The following CCT5 variants were observed in gnomAD, a reference collection of about 807,000 sequenced individuals.
CCT5 encodes T-complex protein 1 subunit epsilon.
Under a neutral mutation model 55.0 loss-of-function variants are expected in CCT5, and 6 were observed. That is an observed-to-expected ratio of 0.11 (90% CI 0.06 to 0.22). CCT5 has a LOEUF of 0.22. Among genes scored for constraint, CCT5 ranks in the 10% least tolerant of loss-of-function variants. CCT5 has a pLI of 1.00. For synonymous variants in CCT5, 231 were observed against 243.7 expected (o/e 0.95, Z 0.49); for missense variants, 560 against 694.6 (o/e 0.81, Z 2.18).
At position 10,264,831 on chromosome 5, in the gene CCT5, A is replaced by C. The variant is rs962608201; in HGVS notation, c.*48A>C. 6.2e-7 allele frequency: 1 copy of C among 1,608,978 alleles called. No homozygotes were observed. Among genetic ancestry groups the C allele is most frequent in the Non-Finnish European group, 8.5e-7 (1 of 1,175,668 alleles). On this transcript the variant is annotated 3_prime_UTR_variant, in exon 11 of 11. Coordinates refer to ENST00000280326, the MANE Select transcript of CCT5 (RefSeq NM_012073.5). ...CAAGATCCACTTCTGTGATTAAGTA[A>C]ATGGATGTCTCGTGATGCATCTACA...
intron 6 of CCT5, among the ~76,000 whole-genome samples, chr5:10,260,392 A>C (rs1745900638): frequency 6.6e-6 from 1 of 152,228 alleles, no homozygotes; most frequent in African/African-American, 2.4e-5. Flanking sequence ...GTGGTTCATA[A>C]CATTGTTTGT....
intron 6 of CCT5, among the ~76,000 whole-genome samples, chr5:10,258,953 A>T (rs746858915): frequency 6.6e-6 from 1 of 152,218 alleles, no homozygotes; most frequent in Non-Finnish European, 1.5e-5. Flanking sequence ...AGCTTGCACC[A>T]CTACACTCCA....
rs1020211399 is a variant in CCT5 at position 10,262,621 on chromosome 5, A to G, written c.1317+3A>G. 6.2e-6 allele frequency: 10 copies of G among 1,613,970 alleles called. No individual in the cohort carries two copies. In the Admixed American group the frequency reaches 1.3e-4, roughly 22 times the overall value. On this transcript the variant is annotated splice_donor_region_variant and intron_variant, in intron 9 of 10. Coordinates refer to ENST00000280326, the MANE Select transcript of CCT5 (RefSeq NM_012073.5). ...CAGTTAGCCAAGAGGCGGATAAGGT[A>G]AGGGATCTGTGCAGACTTAGTGAAA...
Position 10,263,200 on chromosome 5 carries a change from C to T in CCT5, c.1384C>T (p.Leu462Phe), listed in dbSNP as rs146715762. The stretch of plus-strand genomic sequence containing the variant: ...CGCACTGGAGGTCATCCCCATGGCC[C>T]TCTCTGAAAACAGTGGCATGAATCC... ...ADALEVIPMA[L>F]SENSGMNPIQ... is the part of the protein sequence containing the mutation. The change falls in exon 10 of 11, where the codon CTC becomes TTC. Residue 462 changes from leucine (L) to phenylalanine (F), a missense_variant. Coordinates refer to ENST00000280326, the MANE Select transcript of CCT5 (RefSeq NM_012073.5). The T allele has an allele frequency of 6.2e-7, 1 of 1,614,072 alleles. No homozygotes were observed. Among genetic ancestry groups the T allele is most frequent in the Non-Finnish European group, 8.5e-7 (1 of 1,180,032 alleles).
chr5:10,250,795 C>T (rs1561041828), intron 1 of CCT5: 1 of 1,160,636 alleles, frequency 8.6e-7, no homozygotes, highest in South Asian at 2.3e-5. Flanking sequence ...GGGAGGGCGC[C>T]GGGGAGATGC....
At chr5:10,260,125 A>G (rs1745885637) in intron 6 of CCT5, among the ~76,000 whole-genome samples, 2 of 152,178 alleles carry the variant, frequency 1.3e-5, no homozygotes, top group South Asian at 2.1e-4. Context: ...AGAGCCAGGC[A>G]GTAGCAGGTA....
rs1275353974 is a variant in CCT5 at position 10,263,340 on chromosome 5, G to T, written c.1498+26G>T. ...GTGAGGAGCTGTCACGCCTCTGCGT[G>T]GAGGGGGGGGGATGTCTGATTTAAA... On this transcript the variant is annotated intron_variant, in intron 10 of 10. Transcript: ENST00000280326. 956 of 180,632 alleles carry T rather than the reference G, an allele frequency of 5.3e-3. 11 individuals are homozygous for T. The African/African-American group carries it at 0.058, about 11-fold the overall frequency. The allele number at this position is 180,632 out of a possible 1,614,324, so 11.2% of individuals were successfully genotyped here.
In CCT5 at chr5:10,260,464, A is replaced by G. The variant is rs6881320; in HGVS notation, c.874-328A>G. Among the ~76,000 whole-genome samples the G allele has an allele frequency of 0.74, 112,357 of 152,152 alleles. 43,696 individuals carry two copies. The highest frequency in any genetic ancestry group is 0.87 in the East Asian group (4,486 of 5,180). ...TTGTGACAGGACAGAGCTGTTAGCC[A>G]TTTCCCCATGGTTGGGGAAGGGTGT... On this transcript the variant is annotated intron_variant, in intron 6 of 10. Transcript: ENST00000280326.
Position 10,264,865 on chromosome 5 carries a change from T to C in CCT5, c.*82T>C. The C allele has an allele frequency of 6.4e-7, 1 of 1,565,598 alleles. No individual in the cohort carries two copies. Among genetic ancestry groups the C allele is most frequent in the Non-Finnish European group, 8.8e-7 (1 of 1,139,816 alleles). On this transcript the variant is annotated 3_prime_UTR_variant, in exon 11 of 11. Transcript: ENST00000280326. Reference sequence around the variant, plus strand: ...CTCGTGATGCATCTACAGTTATTTATTGTTACATCCTTTTCCAGACACTGT... The same window carrying C: ...CTCGTGATGCATCTACAGTTATTTACTGTTACATCCTTTTCCAGACACTGT...
chr5:10,256,626 G>A (rs2126504071), intron 4 of CCT5, among the ~76,000 whole-genome samples: 1 of 150,144 alleles, frequency 6.7e-6, no homozygotes, highest in African/African-American at 2.4e-5. Flanking sequence ...GGTCGAGGCT[G>A]CAGCAAGCCA....
upstream of CCT5, chr5:10,250,266 C>T (rs994604870): frequency 1.9e-6 from 3 of 1,605,900 alleles, no homozygotes; most frequent in Non-Finnish European, 2.6e-6. Context: ...TGGGCCCTCC[C>T]GAGAAAGGGA....
upstream of CCT5, chr5:10,250,056 A>T: frequency 6.5e-7 from 1 of 1,540,478 alleles, no homozygotes; most frequent in South Asian, 1.2e-5. Flanking sequence ...GTAACGTTTT[A>T]AAAAATGACA....
rs1349080410 is a variant in CCT5, at chr5:10,263,319, G to A, written c.1498+5G>A. 4 of 1,598,260 alleles carry A rather than the reference G, an allele frequency of 2.5e-6. No individual in the cohort carries two copies. The highest frequency in any genetic ancestry group is 8.5e-7 in the Non-Finnish European group (1 of 1,175,078). ...GTTTGCACAAGGGGACAAATGGTGA[G>A]GAGCTGTCACGCCTCTGCGTGGAGG... is the stretch of plus-strand genomic sequence containing the variant. On this transcript the variant is annotated splice_donor_5th_base_variant and intron_variant, in intron 10 of 10. Transcript: ENST00000280326.
In CCT5 at chr5:10,263,505, G is replaced by A. The variant is rs2244960; in HGVS notation, c.1498+191G>A. Among the ~76,000 whole-genome samples the A allele has an allele frequency of 0.74, 112,391 of 152,212 alleles. 43,709 individuals are homozygous for A. Among genetic ancestry groups the A allele is most frequent in the East Asian group, 0.87 (4,479 of 5,174 alleles). On this transcript the variant is annotated intron_variant, in intron 10 of 10. Transcript: ENST00000280326. ...GTTAGACTACTAGACCTAGCAACAT[G>A]AGACTCATTGTAATAACAGTAAAGT...
intron 1 of CCT5, chr5:10,250,713 G>T: frequency 2.3e-6 from 3 of 1,304,802 alleles, no homozygotes; most frequent in Non-Finnish European, 2.9e-6. Flanking sequence ...CCGGTCGCCC[G>T]CGGGAGCAAA....
chr5:10,254,392 CTTTT>C (rs57187607), intron 2 of CCT5, 187 bp downstream of exon 2: 551 of 514,274 alleles, frequency 1.1e-3, no homozygotes, highest in Non-Finnish European at 1.2e-3. Flanking sequence ...TAGGTCGGAC[CTTTT>C]TTTTTTTTTT....
At chr5:10,262,810 A>C (rs1746031511) in intron 9 of CCT5, among the ~76,000 whole-genome samples, 192 bp downstream of exon 9, 1 of 152,228 alleles carries the variant, frequency 6.6e-6, no homozygotes, top group African/African-American at 2.4e-5. Flanking sequence ...AGCATTTCTC[A>C]GCTGTTTTCA....
rs566366169 is a variant in CCT5 at position 10,263,483 on chromosome 5, A to G, written c.1498+169A>G. On this transcript the variant is annotated intron_variant, in intron 10 of 10. Transcript: ENST00000280326. ...TGTTTGATTGCCGTAGGAATTGGTT[A>G]GACTACTAGACCTAGCAACATGAGA... Among the ~76,000 whole-genome samples the G allele has an allele frequency of 3.6e-4, 55 of 152,352 alleles. No homozygotes were observed. In the South Asian group the frequency reaches 4.3e-3, roughly 12 times the overall value.
intron 4 of CCT5, chr5:10,257,781 G>C: frequency 2.7e-6 from 1 of 376,604 alleles, no homozygotes; most frequent in Non-Finnish European, 5.1e-6. Context: ...TTCTGTAAAA[G>C]TGCTGCATTC....
Sources: allele counts gnomAD v4.1 joint callset (sites outside exome capture counted in the v4.1 genomes callset), GRCh38; gene constraint gnomAD v4.1.1; transcripts MANE v1.5; gene names NCBI Gene and HGNC (gene_info 2026-07-23, HGNC 2026-07-21).